Variants in EPG5 observed in about 807,000 individuals in gnomAD.
EPG5 encodes ectopic P-granules 5 autophagy tethering factor.
Under a neutral mutation model 302.7 loss-of-function variants are expected in EPG5, and 159 were observed. The observed-to-expected ratio is 0.53, with a 90% CI of 0.46 to 0.60. The LOEUF is 0.60. Ranked by LOEUF, EPG5 falls within the 20% of genes least tolerant of loss-of-function variation. The pLI is 0.00. For synonymous variants in EPG5, 1,158 were observed against 1,136.8 expected (o/e 1.02, Z -0.37); for missense variants, 2,896 against 3,092.4 (o/e 0.94, Z 1.51).
chr18:45,951,019 C>T (rs899298378), intron 4 of EPG5, 83 bp downstream of exon 4: 2 of 1,161,984 alleles, frequency 1.7e-6, no homozygotes, highest in African/African-American at 1.6e-5. Flanking sequence ...AAGTTGAAGA[C>T]CAAATGTAAT....
At chr18:45,921,941 C>T (rs1415196801) in intron 16 of EPG5, among the ~76,000 whole-genome samples, 1 of 149,950 alleles carries the variant, frequency 6.7e-6, no homozygotes, top group Non-Finnish European at 1.5e-5. Flanking sequence ...TGCACATGTA[C>T]CCTAGAACTT....
chr18:45,901,140 C>T lies in EPG5; in HGVS notation c.4502G>A (p.Arg1501Gln), dbSNP rs186784974. 6.9e-4 allele frequency: 1,113 copies of T among 1,614,068 alleles called. 3 individuals carry two copies. The highest frequency in any genetic ancestry group is 2.1e-3 in the Middle Eastern group (13 of 6,062). Residue 1501 changes from arginine to glutamine, a missense_variant, in exon 26 of 44, where the codon CGG (arginine) becomes CAG (glutamine). Arg to Gln is a conservative substitution (Grantham distance 43). Transcript: ENST00000282041. ...LAKERVLSNLRKHEAPQPPLA... is the reference protein window; with the variant it reads ...LAKERVLSNLQKHEAPQPPLA... The stretch of plus-strand genomic sequence containing the variant: ...GGGAGGCTGGGGAGCCTCATGCTTC[C>T]GCAAGTTACTTAAAACCCTTTCTTT...
chr18:45,910,548 G>C lies in EPG5; in HGVS notation c.4178C>G (p.Ser1393Ter). ...SHSGTPGYLTSPELHKELVRL... is the reference protein window; with the variant it reads ...SHSGTPGYLT ...CACCAGCTCCTTGTGCAGTTCTGGTGAAGTCAGGTAACCAGGGGTGCCAGA... is the reference window on the plus strand; with the variant it reads ...CACCAGCTCCTTGTGCAGTTCTGGTCAAGTCAGGTAACCAGGGGTGCCAGA... The change falls in exon 23 of 44, where the codon TCA becomes TGA. Residue 1393 changes from serine (S) to a stop codon, truncating the protein, a stop_gained. Coordinates refer to ENST00000282041, the MANE Select transcript of EPG5 (RefSeq NM_020964.3). LOFTEE classifies it high-confidence loss of function. 6.2e-7 allele frequency: 1 copy of C among 1,612,420 alleles called. No individual in the cohort carries two copies. Among genetic ancestry groups the C allele is most frequent in the Admixed American group, 1.7e-5 (1 of 59,828 alleles).
intron 3 of EPG5, among the ~76,000 whole-genome samples, chr18:45,951,552 G>A (rs561644981): frequency 1.8e-3 from 267 of 151,466 alleles, no homozygotes; most frequent in African/African-American, 6.1e-3. Flanking sequence ...TCCGCTTCCT[G>A]CGTTCATGCC....
the EPG5 span, among the ~76,000 whole-genome samples, chr18:45,826,658 C>T: frequency 6.6e-6 from 1 of 152,202 alleles, no homozygotes; most frequent in Admixed American, 6.5e-5. Context: ...TCGGCCATCA[C>T]AGGCCACACA....
At chr18:45,868,339 C>CTTT (rs370701330) in intron 36 of EPG5, among the ~76,000 whole-genome samples, 2 of 138,158 alleles carry the variant, frequency 1.4e-5, no homozygotes, top group African/African-American at 5.4e-5. Context: ...TTCCTTTTTC[C>CTTT]TTTTTTTTTT....
rs111796141 is a variant in EPG5, at chr18:45,874,763, A to G, written c.6049+1473T>C. Among the ~76,000 whole-genome samples, 308 of 152,362 alleles carry G rather than the reference A, an allele frequency of 2.0e-3. 1 individual carries two copies. The highest frequency in any genetic ancestry group is 7.2e-3 in the African/African-American group (301 of 41,586). ...TTGGGTGGGGACACTGCCAAACCAT[A>G]TCACTCTATAACTAAATGCCACACA... On this transcript the variant is annotated intron_variant, in intron 35 of 43. Coordinates refer to ENST00000282041, the MANE Select transcript of EPG5 (RefSeq NM_020964.3).
intron 28 of EPG5, among the ~76,000 whole-genome samples, chr18:45,889,533 A>G (rs917787117): frequency 1.3e-5 from 2 of 152,176 alleles, no homozygotes; most frequent in South Asian, 4.1e-4. Context: ...TTTCTGCTTT[A>G]TATCTCTGTT....
intron 9 of EPG5, among the ~76,000 whole-genome samples, chr18:45,942,691 T>C (rs1015234145): frequency 7.9e-5 from 12 of 152,188 alleles, no homozygotes; most frequent in Middle Eastern, 3.4e-3. Flanking sequence ...TTTTATGGAG[T>C]TTCTTTTGGG....
chr18:45,886,714 A>G (rs1406344183), intron 29 of EPG5, among the ~76,000 whole-genome samples: 2 of 152,108 alleles, frequency 1.3e-5, no homozygotes, highest in African/African-American at 4.8e-5. Context: ...GCTGGAGTGC[A>G]ATAGCATGAT....
At chr18:45,809,981 C>T in the EPG5 span, among the ~76,000 whole-genome samples, 10 of 151,930 alleles carry the variant, frequency 6.6e-5, no homozygotes, top group Non-Finnish European at 1.5e-4. Flanking sequence ...GCAAAGTTAA[C>T]CAAGAAAAGG....
chr18:45,826,436 C>A, the EPG5 span, among the ~76,000 whole-genome samples: 46 of 152,284 alleles, frequency 3.0e-4, no homozygotes, highest in East Asian at 7.9e-3. Context: ...AATGCAGGTT[C>A]TTTGGCTCCA....
rs2048396277 is a variant in EPG5, at chr18:45,849,426, A to G, written c.*3041T>C. 1 of 152,264 alleles carries G rather than the reference A, an allele frequency of 6.6e-6. No individual in the cohort carries two copies. The highest frequency in any genetic ancestry group is 1.5e-5 in the Non-Finnish European group (1 of 68,064). The allele number at this position is 152,264 out of a possible 1,614,324, so 9.4% of individuals were successfully genotyped here. A position where few individuals can be genotyped will look rare whatever the true frequency, so the allele number is the denominator to read the frequency against. On this transcript the variant is annotated 3_prime_UTR_variant, in exon 44 of 44. Coordinates refer to ENST00000282041, the MANE Select transcript of EPG5 (RefSeq NM_020964.3). ...TGAGAGGGGCACTAGATGAACGTGA[A>G]TGACCCTTCTGACTGTAAAAGTCTA...
chr18:45,910,541 T>G lies in EPG5; in HGVS notation c.4185A>C (p.Glu1395Asp). The G allele has an allele frequency of 1.2e-6, 2 of 1,611,594 alleles. No homozygotes were observed. Among genetic ancestry groups the G allele is most frequent in the Non-Finnish European group, 1.7e-6 (2 of 1,179,026 alleles). The change falls in exon 23 of 44, where the codon GAA becomes GAC. Residue 1395 changes from glutamate (E) to aspartate (D), a missense_variant. Physicochemically the swap from Glu to Asp is conservative, Grantham distance 45. Around this residue, in one of 5 missense-constraint regions of EPG5, gnomAD observed 790 missense variants for 798.0 expected, o/e 0.99. Transcript: ENST00000282041. ...CTCACCTCACCAGCTCCTTGTGCAG[T>G]TCTGGTGAAGTCAGGTAACCAGGGG... ...SGTPGYLTSP[E>D]LHKELVRLFN...
chr18:45,874,927 G>A (rs2048940431), intron 35 of EPG5, among the ~76,000 whole-genome samples: 1 of 152,192 alleles, frequency 6.6e-6, no homozygotes, highest in Non-Finnish European at 1.5e-5. Flanking sequence ...AGTTTTAACA[G>A]CACAAGAGGA....
chr18:45,951,012 T>C (rs978065952), intron 4 of EPG5, 90 bp downstream of exon 4: 4 of 1,086,272 alleles, frequency 3.7e-6, no homozygotes, highest in Non-Finnish European at 4.9e-6. Context: ...GCTGAAAAAG[T>C]TGAAGACCAA....
At chr18:45,940,257 G>C (rs2050633352) in intron 9 of EPG5, among the ~76,000 whole-genome samples, 1 of 152,240 alleles carries the variant, frequency 6.6e-6, no homozygotes, top group Non-Finnish European at 1.5e-5. Context: ...TGTGCTGAGA[G>C]GTAGACTGGC....
chr18:45,833,987 C>T, the EPG5 span, among the ~76,000 whole-genome samples: 4 of 152,110 alleles, frequency 2.6e-5, no homozygotes, highest in Admixed American at 6.5e-5. Context: ...ATGAGGACTC[C>T]GCAGAGCACT....
intron 5 of EPG5, among the ~76,000 whole-genome samples, chr18:45,948,828 A>G (rs578249827): frequency 6.6e-6 from 1 of 152,326 alleles, no homozygotes; most frequent in Admixed American, 6.5e-5. Flanking sequence ...CACTACTGCT[A>G]CTTTAATCCA....
Sources: allele counts gnomAD v4.1 joint callset (sites outside exome capture counted in the v4.1 genomes callset), GRCh38; gene constraint gnomAD v4.1.1; regional missense constraint gnomAD v4.1.1; transcripts MANE v1.5; gene names NCBI Gene and HGNC (gene_info 2026-07-23, HGNC 2026-07-21).